The following DAB1 variants were observed in gnomAD, a reference collection of about 807,000 sequenced individuals.
DAB1 encodes disabled homolog 1.
A neutral mutation model predicts 64.6 loss-of-function variants in DAB1; 15 were observed. The ratio of observed to expected loss-of-function variants is 0.23; its 90% confidence interval spans 0.16 to 0.36. The LOEUF (loss-of-function observed/expected upper bound fraction) is 0.36. Among genes scored for constraint, DAB1 ranks in the 10% least tolerant of loss-of-function variants. The pLI, the probability that DAB1 is intolerant of heterozygous loss-of-function variation, is 1.00. For missense variants in DAB1, 596 were observed against 706.7 expected, an observed-to-expected ratio of 0.84 and a Z score of 1.78; for synonymous variants, 235 against 251.9, an observed-to-expected ratio of 0.93 and a Z score of 0.64.
chr1:57,989,740 C>G (rs943545545), intron 5 of DAB1, among the ~76,000 whole-genome samples: 1 of 152,098 alleles, frequency 6.6e-6, no homozygotes, highest in African/African-American at 2.4e-5. Flanking sequence ...AAAAAAGATG[C>G]ACCAGGACAT....
intron 1 of DAB1, among the ~76,000 whole-genome samples, chr1:57,325,612 G>C (rs1401626408): frequency 6.6e-6 from 1 of 152,134 alleles, no homozygotes; most frequent in Non-Finnish European, 1.5e-5. Flanking sequence ...TTACTAGACT[G>C]TGAGCTCCTG....
chr1:58,376,298 T>C (rs1448535774), intron 3 of DAB1, among the ~76,000 whole-genome samples: 2 of 141,264 alleles, frequency 1.4e-5, no homozygotes, highest in East Asian at 4.0e-4. Context: ...TCTTTCCTGC[T>C]TTCTCTTGTG....
chr1:58,154,062 A>G (rs1655089131), intron 4 of DAB1, among the ~76,000 whole-genome samples: 1 of 151,618 alleles, frequency 6.6e-6, no homozygotes. Context: ...GATTCCCTAA[A>G]CAACTTATTT....
At chr1:58,001,676 A>G (rs1298992943) in intron 5 of DAB1, among the ~76,000 whole-genome samples, 1 of 152,168 alleles carries the variant, frequency 6.6e-6, no homozygotes, top group Non-Finnish European at 1.5e-5. Flanking sequence ...AAAAGACCAC[A>G]GATTATCCCT....
chr1:58,322,427 AAG>A lies in DAB1; in HGVS notation n.309+20923_309+20924del, dbSNP rs1237948396. Among the ~76,000 whole-genome samples the A allele has an allele frequency of 2.0e-5, 3 of 152,368 alleles. No homozygotes were observed. In the East Asian group the frequency reaches 5.8e-4, roughly 29 times the overall value. ...AAAAAACCCCATCAAAAAATGGGCA[AAG>A]GATATGAACAGACACTTCTCAAAAG... On this transcript the variant is annotated intron_variant and non_coding_transcript_variant, in intron 4 of 20. Coordinates refer to the DAB1 transcript ENST00000485760.
chr1:57,280,363 T>A (rs1394947017), intron 2 of DAB1, among the ~76,000 whole-genome samples: 4 of 152,152 alleles, frequency 2.6e-5, no homozygotes, highest in Non-Finnish European at 4.4e-5. Flanking sequence ...CTAGAAGGTG[T>A]GTTGCAATAG....
intron 2 of DAB1, among the ~76,000 whole-genome samples, chr1:57,204,012 C>A (rs1028980911): frequency 6.6e-6 from 1 of 152,140 alleles, no homozygotes; most frequent in African/African-American, 2.4e-5. Context: ...GCCTCAGCCT[C>A]CCATGTAGCT....
chr1:57,839,740 C>T lies in DAB1; in HGVS notation n.88-13285G>A, dbSNP rs137865042. 2.3e-3 allele frequency among the ~76,000 whole-genome samples: 355 copies of T among 152,302 alleles called. 2 individuals carry two copies. Among genetic ancestry groups the T allele is most frequent in the African/African-American group, 8.2e-3 (339 of 41,574 alleles). Reference sequence around the variant, plus strand: ...GGAAATGCATTATCATTCTGTTTTACTGTTACTTTGTGTGCTACTCTGCTC... The same window carrying T: ...GGAAATGCATTATCATTCTGTTTTATTGTTACTTTGTGTGCTACTCTGCTC... On this transcript the variant is annotated intron_variant and non_coding_transcript_variant, in intron 1 of 1. Transcript: ENST00000477280.
At chr1:57,792,907 A>G (rs1323549684) in intron 6 of DAB1, among the ~76,000 whole-genome samples, 1 of 152,258 alleles carries the variant, frequency 6.6e-6, no homozygotes, top group Non-Finnish European at 1.5e-5. Context: ...TTGAACCATT[A>G]ACCCTGTGAT....
intron 6 of DAB1, among the ~76,000 whole-genome samples, chr1:57,708,402 C>T (rs1646991602): frequency 6.6e-6 from 1 of 152,232 alleles, no homozygotes; most frequent in South Asian, 2.1e-4. Flanking sequence ...TCTCCTGGAG[C>T]TGTACTGCCT....
intron 2 of DAB1, among the ~76,000 whole-genome samples, chr1:57,238,647 CAGATTAAGCCCTAGTT>C (rs1668265961): frequency 6.6e-6 from 1 of 152,144 alleles, no homozygotes; most frequent in African/African-American, 2.4e-5. Flanking sequence ...AGAGGAGCTT[CAGATTAAGCCCTAGTT>C]AATCCCTTCC....
intron 6 of DAB1, among the ~76,000 whole-genome samples, chr1:57,802,517 G>A (rs547067406): frequency 5.3e-5 from 8 of 152,298 alleles, no homozygotes; most frequent in African/African-American, 1.9e-4. Context: ...AATATTGTCT[G>A]TGATATGGTT....
intron 2 of DAB1, among the ~76,000 whole-genome samples, chr1:57,251,037 T>C (rs902909062): frequency 4.6e-5 from 7 of 152,234 alleles, no homozygotes; most frequent in African/African-American, 1.7e-4. Flanking sequence ...CAGCATTATT[T>C]GTTTGAAAGA....
intron 2 of DAB1, among the ~76,000 whole-genome samples, chr1:57,287,321 C>T (rs1381792927): frequency 6.6e-6 from 1 of 152,186 alleles, no homozygotes; most frequent in African/African-American, 2.4e-5. Flanking sequence ...GCGATCCACC[C>T]ACCTTAGCCT....
At chr1:58,051,976 T>G (rs533112199) in intron 5 of DAB1, among the ~76,000 whole-genome samples, 4 of 152,346 alleles carry the variant, frequency 2.6e-5, no homozygotes, top group African/African-American at 9.6e-5. Flanking sequence ...TGCAAAAATT[T>G]TCTCCCATTC....
intron 6 of DAB1, among the ~76,000 whole-genome samples, chr1:57,765,319 A>G (rs1474449143): frequency 6.6e-6 from 1 of 152,214 alleles, no homozygotes; most frequent in African/African-American, 2.4e-5. Flanking sequence ...TACACTCAGC[A>G]GCTGGTCTAT....
At chr1:57,752,810 G>T (rs996884003) in intron 6 of DAB1, among the ~76,000 whole-genome samples, 1 of 152,182 alleles carries the variant, frequency 6.6e-6, no homozygotes, top group African/African-American at 2.4e-5. Context: ...TACAGTTCTT[G>T]TAAGGGTTAA....
intron 11 of DAB1, among the ~76,000 whole-genome samples, chr1:57,022,139 G>A (rs1646642627): frequency 6.6e-6 from 1 of 152,182 alleles, no homozygotes; most frequent in Non-Finnish European, 1.5e-5. Flanking sequence ...AACATAGAGG[G>A]CACCTGGTGA....
At chr1:58,385,232 G>A (rs916402955) in intron 3 of DAB1, among the ~76,000 whole-genome samples, 5 of 152,150 alleles carry the variant, frequency 3.3e-5, no homozygotes, top group African/African-American at 7.2e-5. Flanking sequence ...TACATTTATC[G>A]TGTGCAGTTT....
Sources: allele counts gnomAD v4.1 joint callset (sites outside exome capture counted in the v4.1 genomes callset), GRCh38; gene constraint gnomAD v4.1.1; transcripts MANE v1.5; gene names NCBI Gene and HGNC (gene_info 2026-07-23, HGNC 2026-07-21).